Variants in DOCK9 observed in about 807,000 individuals in gnomAD.
DOCK9 encodes the protein dedicator of cytokinesis protein 9.
In DOCK9, 89 loss-of-function variants were observed where a neutral mutation model predicts 263.3. The observed-to-expected ratio is 0.34, with a 90% CI of 0.28 to 0.40. DOCK9 has a LOEUF of 0.40. DOCK9 is among the 10% of genes least tolerant of loss of function. The pLI is 1.00. For synonymous variants in DOCK9, 976 were observed against 973.1 expected (o/e 1.00, Z -0.06); for missense variants, 2,140 against 2,603.4 (o/e 0.82, Z 3.87).
chr13:98,917,859 G>A (rs1213595317), intron 7 of DOCK9, among the ~76,000 whole-genome samples: 1 of 152,050 alleles, frequency 6.6e-6, no homozygotes, highest in Non-Finnish European at 1.5e-5. Flanking sequence ...TTGAGCCGGG[G>A]GTTCCACCTG....
chr13:99,029,659 A>G (rs1018284833), intron 1 of DOCK9, among the ~76,000 whole-genome samples: 1 of 152,234 alleles, frequency 6.6e-6, no homozygotes, highest in African/African-American at 2.4e-5. Context: ...GGATGGCTAA[A>G]ATTTAAAAAG....
chr13:98,839,437 A>G (rs987284747), intron 38 of DOCK9, among the ~76,000 whole-genome samples: 1 of 152,266 alleles, frequency 6.6e-6, no homozygotes, highest in African/African-American at 2.4e-5. Context: ...TAAAGTGATC[A>G]CATACTGTGG....
chr13:98,826,948 A>G, intron 43 of DOCK9, 61 bp from the exon 44 acceptor site: 3 of 1,298,444 alleles, frequency 2.3e-6, no homozygotes, highest in Non-Finnish European at 3.3e-6. Context: ...TAATGCTCCC[A>G]CACAGACAGA....
intron 1 of DOCK9, among the ~76,000 whole-genome samples, chr13:99,032,385 C>T (rs931810596): frequency 2.0e-5 from 3 of 150,942 alleles, no homozygotes; most frequent in Non-Finnish European, 4.4e-5. Flanking sequence ...CAGAGGCAGG[C>T]GAATTGCTTG....
chr13:98,911,056 G>A (rs2049936380), intron 9 of DOCK9, among the ~76,000 whole-genome samples: 1 of 152,118 alleles, frequency 6.6e-6, no homozygotes, highest in South Asian at 2.1e-4. Flanking sequence ...GGGAACACAG[G>A]TCTCCCCTTA....
intron 27 of DOCK9, among the ~76,000 whole-genome samples, chr13:98,869,921 C>T (rs1404400330): frequency 2.6e-5 from 4 of 152,210 alleles, no homozygotes; most frequent in African/African-American, 4.8e-5. Flanking sequence ...AGGTGAACAT[C>T]GCAGGCTGGA....
At chr13:99,010,804 A>G (rs1884340436) in intron 1 of DOCK9, among the ~76,000 whole-genome samples, 1 of 152,226 alleles carries the variant, frequency 6.6e-6, no homozygotes, top group Non-Finnish European at 1.5e-5. Context: ...TAGCCTTACA[A>G]AGCTAAATCC....
At position 98,829,603 on chromosome 13, in the gene DOCK9, A is replaced by T; in HGVS notation, c.4749+40T>A. 8 of 1,583,218 alleles carry T rather than the reference A, an allele frequency of 5.1e-6. No individual in the cohort carries two copies. The highest frequency in any genetic ancestry group is 6.9e-6 in the Non-Finnish European group (8 of 1,161,932). ...CCACAAGCACCTCAGGTGCTGATGCAGAGTCTCAGGGTGAAACTAACATGG... is the reference window on the plus strand; with the variant it reads ...CCACAAGCACCTCAGGTGCTGATGCTGAGTCTCAGGGTGAAACTAACATGG... On this transcript the variant is annotated intron_variant, in intron 42 of 52. Transcript: ENST00000682017. This position sits in a 1 kb window ranked among gnomAD's most constrained non-coding sequence, Gnocchi z 4.1.
At chr13:98,975,357 G>GT in intron 1 of DOCK9, among the ~76,000 whole-genome samples, 1 of 147,958 alleles carries the variant, frequency 6.8e-6, no homozygotes, top group African/African-American at 2.5e-5. Flanking sequence ...GTAAGACTTT[G>GT]TCTCAAAAAA....
intron 15 of DOCK9, among the ~76,000 whole-genome samples, chr13:98,892,723 G>A (rs1207896782): frequency 6.6e-6 from 1 of 152,158 alleles, no homozygotes; most frequent in East Asian, 1.9e-4. Context: ...TACGGCATAT[G>A]AGGGCAATCA....
chr13:99,073,331 T>C (rs752532577), intron 1 of DOCK9, among the ~76,000 whole-genome samples: 30 of 150,648 alleles, frequency 2.0e-4, no homozygotes, highest in Non-Finnish European at 3.1e-4. Context: ...CTCTTCTCTC[T>C]CTTCTTTCTC....
chr13:99,051,855 C>CA (rs11392986), intron 1 of DOCK9, among the ~76,000 whole-genome samples: 27,092 of 104,824 alleles, frequency 0.26, 4,326 homozygotes, highest in Non-Finnish European at 0.32. Flanking sequence ...CCACTAGTGG[C>CA]AAAAAAAAAA....
chr13:98,815,936 T>A (rs1270699337), intron 45 of DOCK9, among the ~76,000 whole-genome samples: 1 of 152,178 alleles, frequency 6.6e-6, no homozygotes, highest in East Asian at 1.9e-4. Flanking sequence ...TATAGCATAA[T>A]AATAATCTGG....
intron 1 of DOCK9, among the ~76,000 whole-genome samples, chr13:99,018,157 TC>T (rs1034396149): frequency 1.3e-5 from 2 of 152,214 alleles, no homozygotes; most frequent in African/African-American, 4.8e-5. Flanking sequence ...TTTGAATGTG[TC>T]CCCCAAAGTT....
chr13:98,855,068 C>T (rs4772150), intron 34 of DOCK9, among the ~76,000 whole-genome samples: 78,261 of 152,042 alleles, frequency 0.51, 20,520 homozygotes, highest in Middle Eastern at 0.61. Flanking sequence ...TCCTTTCCTA[C>T]AAAGTTCCAA....
intron 41 of DOCK9, among the ~76,000 whole-genome samples, chr13:98,830,567 G>C (rs2092718940): frequency 6.6e-6 from 1 of 152,206 alleles, no homozygotes; most frequent in Non-Finnish European, 1.5e-5. Flanking sequence ...TAGTTCCCCA[G>C]ATGGGTGCTT....
chr13:98,974,658 G>A (rs1445605411), intron 1 of DOCK9, among the ~76,000 whole-genome samples: 6 of 143,660 alleles, frequency 4.2e-5, no homozygotes, highest in African/African-American at 1.5e-4. Context: ...GCTGAGACAG[G>A]AGAATCGCTT....
At chr13:99,039,533 A>T (rs11839305) in intron 1 of DOCK9, among the ~76,000 whole-genome samples, 16,987 of 152,272 alleles carry the variant, frequency 0.11, 1,369 homozygotes, top group East Asian at 0.24. Context: ...ATCAATGATA[A>T]TAATAAAACA....
intron 45 of DOCK9, among the ~76,000 whole-genome samples, chr13:98,811,896 A>G (rs1203248410): frequency 1.3e-5 from 2 of 152,168 alleles, no homozygotes; most frequent in African/African-American, 4.8e-5. Context: ...TACATTTTAC[A>G]TTTTAGACTA....
Sources: gnomAD v4.1 joint callset for allele counts (sites outside exome capture counted in the v4.1 genomes callset) on GRCh38, gnomAD v4.1.1 for gene constraint, Gnocchi (gnomAD v3.1) non-coding constraint, MANE v1.5 for transcripts, NCBI Gene and HGNC (gene_info 2026-07-23, HGNC 2026-07-21) for gene names.